PDE1C: variants seen among roughly 807,000 people sequenced by gnomAD.
PDE1C encodes the protein phosphodiesterase 1C, also known as dual specificity calcium/calmodulin-dependent 3',5'-cyclic nucleotide phosphodiesterase 1C.
In PDE1C, 62 loss-of-function variants were observed where a neutral mutation model predicts 93.1. The observed-to-expected ratio is 0.67, with a 90% CI of 0.54 to 0.82. The LOEUF is 0.82. PDE1C is among the 40% of genes least tolerant of loss of function. The probability of loss-of-function intolerance (pLI) is 0.00; values close to 1 mark genes in which losing one functional copy is unlikely to be tolerated. For synonymous variants in PDE1C, 325 were observed against 310.1 expected, an observed-to-expected ratio of 1.05 and a Z score of -0.50; for missense variants, 742 against 884.6, an observed-to-expected ratio of 0.84 and a Z score of 2.04.
the PDE1C span, among the ~76,000 whole-genome samples, chr7:31,737,906 T>C: frequency 1.3e-5 from 2 of 151,986 alleles, no homozygotes; most frequent in Non-Finnish European, 2.9e-5. Context: ...ATTTAAGCCC[T>C]GTTTGCCTCA....
At chr7:32,264,128 GCTCTACAGGT>G (rs1810410705) in intron 1 of PDE1C, among the ~76,000 whole-genome samples, 1 of 152,154 alleles carries the variant, frequency 6.6e-6, no homozygotes, top group African/African-American at 2.4e-5. Flanking sequence ...GATTGTAGAA[GCTCTACAGGT>G]CACTAGGGTG....
intron 3 of PDE1C, among the ~76,000 whole-genome samples, chr7:32,099,740 A>C (rs1797952058): frequency 6.6e-6 from 1 of 152,198 alleles, no homozygotes; most frequent in Non-Finnish European, 1.5e-5. Context: ...CCTTTACTCA[A>C]GTGCACCATA....
At chr7:32,391,724 C>T (rs191451949) in intron 1 of PDE1C, among the ~76,000 whole-genome samples, 172 of 152,022 alleles carry the variant, frequency 1.1e-3, no homozygotes, top group African/African-American at 3.9e-3. Flanking sequence ...TTAAACAACA[C>T]GCTTCTAAAC....
At chr7:31,650,438 A>T in the PDE1C span, among the ~76,000 whole-genome samples, 1 of 152,146 alleles carries the variant, frequency 6.6e-6, no homozygotes, top group African/African-American at 2.4e-5. Context: ...AAATGAGAAA[A>T]CCAAGGCAAA....
chr7:31,924,255 A>T (rs1803045198), intron 2 of PDE1C, among the ~76,000 whole-genome samples: 1 of 152,184 alleles, frequency 6.6e-6, no homozygotes, highest in African/African-American at 2.4e-5. Flanking sequence ...GTCTTCCCTC[A>T]TACCTCACAC....
chr7:32,013,304 G>T (rs541758760), intron 2 of PDE1C, among the ~76,000 whole-genome samples: 1 of 152,328 alleles, frequency 6.6e-6, no homozygotes, highest in Admixed American at 6.5e-5. Flanking sequence ...TTATGCACGT[G>T]TGTTTGAAAT....
intron 2 of PDE1C, among the ~76,000 whole-genome samples, chr7:31,927,945 G>A (rs925659231): frequency 6.6e-5 from 10 of 152,022 alleles, no homozygotes; most frequent in Non-Finnish European, 1.5e-4. Flanking sequence ...TGAGTTTGAC[G>A]AATTAACAGA....
chr7:31,758,817 G>C (rs1794641262), intron 17 of PDE1C, among the ~76,000 whole-genome samples: 1 of 152,148 alleles, frequency 6.6e-6, no homozygotes, highest in South Asian at 2.1e-4. Context: ...TGTAGAAAGG[G>C]GAGAGGGCTT....
intron 1 of PDE1C, among the ~76,000 whole-genome samples, chr7:32,293,970 T>C (rs1812487217): frequency 6.6e-6 from 1 of 151,968 alleles, no homozygotes; most frequent in Non-Finnish European, 1.5e-5. Context: ...TCGTCAACCA[T>C]ATGCCCCAGG....
the PDE1C span, among the ~76,000 whole-genome samples, chr7:31,645,377 C>A: frequency 6.6e-6 from 1 of 151,978 alleles, no homozygotes; most frequent in African/African-American, 2.4e-5. Context: ...TGCAAGACTC[C>A]CAGGCATTTG....
At chr7:31,995,320 G>A (rs1784589115) in intron 2 of PDE1C, among the ~76,000 whole-genome samples, 1 of 152,050 alleles carries the variant, frequency 6.6e-6, no homozygotes, top group Non-Finnish European at 1.5e-5. Flanking sequence ...CTGCTTGATG[G>A]ACAAGAGAGT....
At chr7:32,337,840 A>G (rs215662) in intron 1 of PDE1C, among the ~76,000 whole-genome samples, 145,068 of 152,154 alleles carry the variant, frequency 0.95, 69,346 homozygotes, top group East Asian at 1. Flanking sequence ...ATTGAAGTCA[A>G]AGCAGGAGCA....
intron 2 of PDE1C, among the ~76,000 whole-genome samples, chr7:31,990,750 C>T (rs558857124): frequency 1.3e-5 from 2 of 152,214 alleles, no homozygotes; most frequent in East Asian, 3.9e-4. Context: ...GTAAGGGTTA[C>T]TATGAAACTT....
At position 31,751,548 on chromosome 7, in the gene PDE1C, G is replaced by A. The variant is rs558710881; in HGVS notation, c.*1836C>T. 1 of 152,310 alleles carries A rather than the reference G, an allele frequency of 6.6e-6. No individual in the cohort carries two copies. The highest frequency in any genetic ancestry group is 2.1e-4 in the South Asian group (1 of 4,828). 9.4% of individuals were successfully genotyped at this position (152,310 alleles called of 1,614,324 possible). ...ATGACTTTGTACAGCAAGCGCTAAA[G>A]CATCTGTGTATAAACAGATAGGAAT... On this transcript the variant is annotated 3_prime_UTR_variant, in exon 18 of 18. Coordinates refer to ENST00000396191, the MANE Select transcript of PDE1C (RefSeq NM_001191057.4).
intron 1 of PDE1C, among the ~76,000 whole-genome samples, chr7:32,379,816 C>T (rs1488415167): frequency 6.6e-6 from 1 of 152,178 alleles, no homozygotes; most frequent in Non-Finnish European, 1.5e-5. Context: ...CGGCACTTAG[C>T]ATTGGTCCCT....
chr7:31,991,927 C>A (rs905515421), intron 2 of PDE1C, among the ~76,000 whole-genome samples: 1 of 152,216 alleles, frequency 6.6e-6, no homozygotes, highest in Non-Finnish European at 1.5e-5. Context: ...TGTGTTTATC[C>A]TAACAGACGC....
At chr7:32,144,594 G>T (rs1208778786) in intron 3 of PDE1C, among the ~76,000 whole-genome samples, 3 of 152,202 alleles carry the variant, frequency 2.0e-5, no homozygotes, top group Non-Finnish European at 4.4e-5. Context: ...AAACCAGGCT[G>T]CTGTCACCAT....
At chr7:31,837,565 T>C (rs888650812) in intron 10 of PDE1C, among the ~76,000 whole-genome samples, 1 of 152,098 alleles carries the variant, frequency 6.6e-6, no homozygotes, top group Admixed American at 6.6e-5. Context: ...AATCCAAGAG[T>C]CACTGACTTT....
At chr7:31,764,795 A>T (rs143495592) in intron 17 of PDE1C, among the ~76,000 whole-genome samples, 1 of 152,314 alleles carries the variant, frequency 6.6e-6, no homozygotes, top group African/African-American at 2.4e-5. Flanking sequence ...ACTTAATCAC[A>T]GTATTAACTG....
Sources: gnomAD v4.1 joint callset for allele counts (sites outside exome capture counted in the v4.1 genomes callset) on GRCh38, gnomAD v4.1.1 for gene constraint, MANE v1.5 for transcripts, NCBI Gene and HGNC (gene_info 2026-07-23, HGNC 2026-07-21) for gene names.